Variants in CATSPERT observed in about 807,000 individuals in gnomAD.
CATSPERT encodes catsper channel auxiliary subunit tau.
the CATSPERT span, among the ~76,000 whole-genome samples, chr2:201,527,917 T>C: frequency 6.6e-6 from 1 of 151,618 alleles, no homozygotes; most frequent in East Asian, 1.9e-4. Flanking sequence ...TAGGACCTAA[T>C]AAAAACTAAA....
chr2:201,515,239 T>TAG, the CATSPERT span, among the ~76,000 whole-genome samples: 707 of 89,050 alleles, frequency 7.9e-3, 64 homozygotes, highest in African/African-American at 0.03. Context: ...TTTTTTTTTT[T>TAG]TTTTTTTTTT....
At chr2:201,602,689 A>T in the CATSPERT span, among the ~76,000 whole-genome samples, 5 of 152,246 alleles carry the variant, frequency 3.3e-5, no homozygotes, top group East Asian at 9.6e-4. Context: ...CAAAAAGTCC[A>T]CTTTATTTCC....
chr2:201,567,704 C>T, the CATSPERT span, among the ~76,000 whole-genome samples: 7 of 152,346 alleles, frequency 4.6e-5, no homozygotes, highest in East Asian at 1.3e-3. Flanking sequence ...TTTCATTCAA[C>T]TTGTTGGATA....
the CATSPERT span, among the ~76,000 whole-genome samples, chr2:201,543,958 A>G: frequency 2.6e-5 from 4 of 152,118 alleles, no homozygotes; most frequent in South Asian, 8.3e-4. Context: ...TGCTGCACCC[A>G]TTAACTCATC....
the CATSPERT span, among the ~76,000 whole-genome samples, chr2:201,502,187 A>C: frequency 6.6e-6 from 1 of 152,180 alleles, no homozygotes; most frequent in Non-Finnish European, 1.5e-5. Context: ...AAACGTTTCT[A>C]CTGTTTTGAA....
chr2:201,494,662 C>T, the CATSPERT span: 1 of 1,536,284 alleles, frequency 6.5e-7, no homozygotes, highest in Non-Finnish European at 8.7e-7. Flanking sequence ...TAAGATATTT[C>T]TATATTTGTA....
the CATSPERT span, chr2:201,535,515 A>C: frequency 2.2e-6 from 2 of 926,250 alleles, no homozygotes; most frequent in Non-Finnish European, 2.6e-6. Flanking sequence ...TAGTTTTATT[A>C]AGAATTTCCA....
At chr2:201,606,056 G>A in the CATSPERT span, among the ~76,000 whole-genome samples, 4 of 152,292 alleles carry the variant, frequency 2.6e-5, no homozygotes, top group African/African-American at 9.6e-5. Context: ...TAAAGGGTCA[G>A]AGAAAAATGG....
the CATSPERT span, among the ~76,000 whole-genome samples, chr2:201,595,634 C>A: frequency 1.3e-5 from 2 of 152,120 alleles, no homozygotes; most frequent in Non-Finnish European, 2.9e-5. Context: ...CTTGAGGATG[C>A]AGTCTGCCCG....
chr2:201,496,070 C>G, the CATSPERT span: 4 of 748,444 alleles, frequency 5.3e-6, no homozygotes, highest in Non-Finnish European at 8.3e-6. Flanking sequence ...AATTTTTAAA[C>G]CTAAATATTT....
chr2:201,546,880 C>T, the CATSPERT span, among the ~76,000 whole-genome samples: 1 of 152,008 alleles, frequency 6.6e-6, no homozygotes, highest in Non-Finnish European at 1.5e-5. Flanking sequence ...AACTAAATGC[C>T]CATCAGCTGA....
At chr2:201,534,020 C>A in the CATSPERT span, among the ~76,000 whole-genome samples, 1 of 150,972 alleles carries the variant, frequency 6.6e-6, no homozygotes, top group Non-Finnish European at 1.5e-5. Flanking sequence ...CAAGATTACA[C>A]GGAAAGAGAG....
the CATSPERT span, among the ~76,000 whole-genome samples, chr2:201,610,731 C>G: frequency 6.6e-6 from 1 of 151,984 alleles, no homozygotes; most frequent in Non-Finnish European, 1.5e-5. Context: ...TACTAGCAAA[C>G]TGAATGAAAC....
the CATSPERT span, among the ~76,000 whole-genome samples, chr2:201,513,065 AAAACTT>A: frequency 6.6e-6 from 1 of 151,710 alleles, no homozygotes; most frequent in African/African-American, 2.4e-5. Context: ...CATGTACCCT[AAAACTT>A]AAAGTATAAT....
chr2:201,502,571 C>CA, the CATSPERT span, among the ~76,000 whole-genome samples: 1,049 of 94,896 alleles, frequency 0.011, 10 homozygotes, highest in African/African-American at 0.035. Flanking sequence ...GACTCCATCT[C>CA]AAAAAAAAAA....
the CATSPERT span, among the ~76,000 whole-genome samples, chr2:201,602,252 A>AT: frequency 6.6e-6 from 1 of 152,128 alleles, no homozygotes; most frequent in Admixed American, 6.6e-5. Flanking sequence ...AGATTAACCT[A>AT]TTTTTAATTT....
chr2:201,532,825 A>T, the CATSPERT span, among the ~76,000 whole-genome samples: 1 of 152,190 alleles, frequency 6.6e-6, no homozygotes, highest in Non-Finnish European at 1.5e-5. Flanking sequence ...ACTGATAACC[A>T]CATTTGGTAA....
At chr2:201,514,001 GAAAAT>G in the CATSPERT span, among the ~76,000 whole-genome samples, 1 of 152,072 alleles carries the variant, frequency 6.6e-6, no homozygotes, top group Non-Finnish European at 1.5e-5. Flanking sequence ...TGAACTGAAT[GAAAAT>G]AAAAACATAA....
chr2:201,585,147 A>C, the CATSPERT span, among the ~76,000 whole-genome samples: 3 of 151,546 alleles, frequency 2.0e-5, no homozygotes, highest in Non-Finnish European at 4.4e-5. Flanking sequence ...AAAACCAAAC[A>C]CCGCATGTTC....
Sources: gnomAD v4.1 joint callset for allele counts (sites outside exome capture counted in the v4.1 genomes callset) on GRCh38, gnomAD v4.1.1 for gene constraint, MANE v1.5 for transcripts, NCBI Gene and HGNC (gene_info 2026-07-23, HGNC 2026-07-21) for gene names.